The following CYTH1 variants were observed in gnomAD, a reference collection of about 807,000 sequenced individuals.
CYTH1 encodes cytohesin-1.
A neutral mutation model predicts 61.8 loss-of-function variants in CYTH1; 18 were observed. The observed-to-expected ratio is 0.29, with a 90% CI of 0.20 to 0.43. The LOEUF is 0.43. Ranked by LOEUF, CYTH1 falls within the 20% of genes least tolerant of loss-of-function variation. CYTH1 has a pLI of 1.00. For missense variants in CYTH1, 336 were observed against 510.5 expected, an observed-to-expected ratio of 0.66 and a Z score of 3.29; for synonymous variants, 174 against 184.3, an observed-to-expected ratio of 0.94 and a Z score of 0.45.
intron 1 of CYTH1, among the ~76,000 whole-genome samples, chr17:78,749,465 CA>C (rs35361840): frequency 2.7e-5 from 4 of 150,810 alleles, no homozygotes; most frequent in Admixed American, 6.6e-5. Context: ...ATCCCCCCTA[CA>C]AAAAAAAATT....
intron 1 of CYTH1, among the ~76,000 whole-genome samples, chr17:78,754,315 TAAGGA>T (rs989873173): frequency 1.3e-5 from 2 of 152,170 alleles, no homozygotes; most frequent in African/African-American, 4.8e-5. Context: ...CCCTCAATTT[TAAGGA>T]AATAGAAAAT....
chr17:78,715,640 G>T (rs1271291142), intron 1 of CYTH1, among the ~76,000 whole-genome samples: 1 of 152,158 alleles, frequency 6.6e-6, no homozygotes. Context: ...GAATAAAAAG[G>T]ACTGGGCAAC....
Position 78,709,742 on chromosome 17 carries a change from T to C in CYTH1, c.23-10A>G. 6.2e-7 allele frequency: 1 copy of C among 1,613,730 alleles called. No individual in the cohort carries two copies. ...GTCAGGTCACTGGGAACTACAAAAA[T>C]GGAGGGCAATGTTACAAGAAAGCTT... On this transcript the variant is annotated splice_polypyrimidine_tract_variant and intron_variant, in intron 1 of 13. Transcript: ENST00000446868.
intron 12 of CYTH1, 33 bp downstream of exon 12, chr17:78,680,938 C>T (rs200880141): frequency 2.2e-4 from 355 of 1,607,566 alleles, no homozygotes; most frequent in Admixed American, 2.9e-4. Context: ...CATCCCCTTT[C>T]TCCCCTCAAA....
At chr17:78,706,693 T>C (rs1420468745) in intron 3 of CYTH1, among the ~76,000 whole-genome samples, 2 of 152,246 alleles carry the variant, frequency 1.3e-5, no homozygotes, top group Non-Finnish European at 2.9e-5. Flanking sequence ...AATGGTTATA[T>C]TATTTTATTC....
At chr17:78,698,132 T>TGCACACACACGCAC (rs1244785618) in intron 9 of CYTH1, 137 bp downstream of exon 9, 2 of 747,886 alleles carry the variant, frequency 2.7e-6, no homozygotes, top group African/African-American at 3.6e-5. Flanking sequence ...TGCATGCGCG[T>TGCACACACACGCAC]GCACACACAC....
At chr17:78,702,353 C>T (rs1308332177) in intron 4 of CYTH1, 113 bp from the exon 5 acceptor site, 2 of 1,026,528 alleles carry the variant, frequency 1.9e-6, no homozygotes, top group African/African-American at 3.2e-5. Context: ...TTAATAAATA[C>T]TTGCTAAGTG....
chr17:78,692,336 C>T (rs930437140), intron 11 of CYTH1, 81 bp downstream of exon 11: 11 of 1,441,172 alleles, frequency 7.6e-6, no homozygotes, highest in Non-Finnish European at 1.1e-5. Flanking sequence ...CAACGGTCTC[C>T]TCAACCATGT....
At chr17:78,718,197 G>A (rs954818736) in intron 1 of CYTH1, among the ~76,000 whole-genome samples, 3 of 140,754 alleles carry the variant, frequency 2.1e-5, no homozygotes, top group Non-Finnish European at 3.0e-5. Flanking sequence ...TTACAGACCT[G>A]GAAGTTTCAT....
chr17:78,761,024 C>A (rs1157784092), intron 1 of CYTH1, among the ~76,000 whole-genome samples: 1 of 152,058 alleles, frequency 6.6e-6, no homozygotes, highest in African/African-American at 2.4e-5. Flanking sequence ...TTTGTAGAGA[C>A]AGAGTTTCAA....
intron 1 of CYTH1, among the ~76,000 whole-genome samples, chr17:78,771,548 C>A (rs1031087395): frequency 6.6e-6 from 1 of 151,808 alleles, no homozygotes; most frequent in Non-Finnish European, 1.5e-5. Context: ...CTGGCCAACA[C>A]GGTGAAACCC....
chr17:78,764,716 T>C (rs372842555), intron 1 of CYTH1, among the ~76,000 whole-genome samples: 2 of 152,120 alleles, frequency 1.3e-5, no homozygotes, highest in African/African-American at 2.4e-5. Context: ...TTTGTTTCTA[T>C]ATCAAAAGCA....
chr17:78,714,491 A>G (rs1235422886), intron 1 of CYTH1, among the ~76,000 whole-genome samples: 1 of 152,152 alleles, frequency 6.6e-6, no homozygotes, highest in Non-Finnish European at 1.5e-5. Context: ...TGCCTTGTAC[A>G]CTGTTGTGTT....
At chr17:78,713,332 T>C (rs2093153018) in intron 1 of CYTH1, among the ~76,000 whole-genome samples, 1 of 152,136 alleles carries the variant, frequency 6.6e-6, no homozygotes, top group Admixed American at 6.5e-5. Context: ...AAGATACATA[T>C]TCATTCCAAT....
chr17:78,779,898 A>G (rs1471653887), intron 1 of CYTH1, among the ~76,000 whole-genome samples: 2 of 152,266 alleles, frequency 1.3e-5, no homozygotes, highest in Admixed American at 6.5e-5. Flanking sequence ...TTGTGGTAAT[A>G]TAACAGGTAT....
chr17:78,729,497 C>T (rs1421253840), intron 1 of CYTH1, among the ~76,000 whole-genome samples: 1 of 152,182 alleles, frequency 6.6e-6, no homozygotes, highest in Non-Finnish European at 1.5e-5. Flanking sequence ...AGACGAAATA[C>T]TGTCAGGGGA....
At chr17:78,724,740 T>C (rs2093256259) in intron 1 of CYTH1, among the ~76,000 whole-genome samples, 1 of 152,174 alleles carries the variant, frequency 6.6e-6, no homozygotes, top group African/African-American at 2.4e-5. Flanking sequence ...AGGAAATCAG[T>C]CATGGAAGGC....
chr17:78,675,739 A>G lies in CYTH1; in HGVS notation c.*352T>C. 1.6e-6 allele frequency: 1 copy of G among 637,624 alleles called. No homozygotes were observed. The highest frequency in any genetic ancestry group is 2.5e-6 in the Non-Finnish European group (1 of 393,268). The allele number at this position is 637,624 out of a possible 1,614,324, so 39.5% of individuals were successfully genotyped here. ...ACATGTATTTATGGTGCAGGGTTTG[A>G]AGGCTTCTTCACGGGGACAACCAAG... On this transcript the variant is annotated 3_prime_UTR_variant, in exon 14 of 14. Coordinates refer to ENST00000446868, the MANE Select transcript of CYTH1 (RefSeq NM_004762.6).
At chr17:78,696,370 A>C (rs1265982503) in intron 9 of CYTH1, among the ~76,000 whole-genome samples, 1 of 152,276 alleles carries the variant, frequency 6.6e-6, no homozygotes, top group Non-Finnish European at 1.5e-5. Flanking sequence ...TATTTCAGGG[A>C]AAATTAAATG....
Sources: allele counts gnomAD v4.1 joint callset (sites outside exome capture counted in the v4.1 genomes callset), GRCh38; gene constraint gnomAD v4.1.1; transcripts MANE v1.5; gene names NCBI Gene and HGNC (gene_info 2026-07-23, HGNC 2026-07-21).